ARHGAP10: variants seen among roughly 807,000 people sequenced by gnomAD.
The protein encoded by ARHGAP10 is rho GTPase-activating protein 10.
In ARHGAP10, 87 loss-of-function variants were observed where a neutral mutation model predicts 108.6. The ratio of observed to expected loss-of-function variants is 0.80; its 90% CI spans 0.67 to 0.96. The LOEUF is 0.96. ARHGAP10 is among the 40% of genes least tolerant of loss of function. ARHGAP10 has a pLI of 0.00. For synonymous variants in ARHGAP10, 347 were observed against 341.1 expected, an observed-to-expected ratio of 1.02 and a Z score of -0.19; for missense variants, 939 against 954.5, an observed-to-expected ratio of 0.98 and a Z score of 0.21.
At chr4:147,900,819 T>TCAACAACAACAA (rs36114707) in intron 10 of ARHGAP10, among the ~76,000 whole-genome samples, 2 of 150,510 alleles carry the variant, frequency 1.3e-5, no homozygotes, top group Admixed American at 6.6e-5. Context: ...ATAAATAAAT[T>TCAACAACAACAA]CAACAACAAC....
chr4:147,964,887 C>A, intron 16 of ARHGAP10, 137 bp from the exon 17 acceptor site: 1 of 563,420 alleles, frequency 1.8e-6, no homozygotes, highest in Non-Finnish European at 2.8e-6. Context: ...AATATGTTTA[C>A]ATTCTCCATG....
At chr4:147,738,921 G>A (rs191772356) in intron 1 of ARHGAP10, among the ~76,000 whole-genome samples, 10 of 152,152 alleles carry the variant, frequency 6.6e-5, no homozygotes, top group Admixed American at 2.0e-4. Context: ...AGTGGCTCAC[G>A]TCTGTAATCC....
chr4:148,003,903 A>AGCCT (rs1553970221), intron 18 of ARHGAP10, among the ~76,000 whole-genome samples: 1 of 152,184 alleles, frequency 6.6e-6, no homozygotes, highest in Non-Finnish European at 1.5e-5. Context: ...TGTAAGCCTA[A>AGCCT]ATCAGCAAGT....
chr4:148,025,135 T>C (rs1458030919), intron 19 of ARHGAP10, among the ~76,000 whole-genome samples: 2 of 152,214 alleles, frequency 1.3e-5, no homozygotes, highest in Non-Finnish European at 2.9e-5. Context: ...TAGTGGTATT[T>C]AGCATATCTC....
At chr4:147,880,191 G>A (rs1735269360) in intron 9 of ARHGAP10, among the ~76,000 whole-genome samples, 1 of 152,156 alleles carries the variant, frequency 6.6e-6, no homozygotes, top group Admixed American at 6.5e-5. Flanking sequence ...TCCCACCAAT[G>A]TTGAACATAA....
chr4:147,953,287 A>G (rs1406650647), intron 15 of ARHGAP10, among the ~76,000 whole-genome samples: 1 of 152,044 alleles, frequency 6.6e-6, no homozygotes, highest in Non-Finnish European at 1.5e-5. Context: ...ACCTCACAGA[A>G]TGAGTTAGAA....
At chr4:147,994,139 A>G (rs1452543043) in intron 18 of ARHGAP10, among the ~76,000 whole-genome samples, 2 of 152,238 alleles carry the variant, frequency 1.3e-5, no homozygotes, top group African/African-American at 4.8e-5. Flanking sequence ...TGTCCCAAGA[A>G]AAACAAGGCT....
intron 18 of ARHGAP10, among the ~76,000 whole-genome samples, chr4:148,006,959 C>T (rs1014648368): frequency 3.3e-5 from 5 of 152,162 alleles, no homozygotes; most frequent in African/African-American, 4.8e-5. Context: ...CAGCACTCAG[C>T]AGTACTATAC....
chr4:147,759,914 A>G (rs1361398290), intron 1 of ARHGAP10, among the ~76,000 whole-genome samples: 1 of 151,862 alleles, frequency 6.6e-6, no homozygotes, highest in African/African-American at 2.4e-5. Flanking sequence ...ATGCCTGGCT[A>G]ATTTTTGTAT....
chr4:147,799,175 C>T (rs943269375), intron 1 of ARHGAP10, among the ~76,000 whole-genome samples: 1 of 152,030 alleles, frequency 6.6e-6, no homozygotes, highest in Non-Finnish European at 1.5e-5. Flanking sequence ...GCTGGGACTA[C>T]AGGCATGCAT....
intron 13 of ARHGAP10, among the ~76,000 whole-genome samples, chr4:147,923,738 C>T (rs1362069448): frequency 6.6e-6 from 1 of 152,142 alleles, no homozygotes; most frequent in Non-Finnish European, 1.5e-5. Context: ...AACCTTACCG[C>T]TTGAAGATTG....
chr4:148,021,874 C>T (rs1042695469), intron 18 of ARHGAP10, among the ~76,000 whole-genome samples: 20 of 152,314 alleles, frequency 1.3e-4, no homozygotes, highest in Non-Finnish European at 1.5e-4. Flanking sequence ...ACATATTTGT[C>T]TACAGTAACT....
intron 13 of ARHGAP10, among the ~76,000 whole-genome samples, chr4:147,927,744 G>C (rs1737517765): frequency 6.6e-6 from 1 of 152,144 alleles, no homozygotes; most frequent in South Asian, 2.1e-4. Context: ...TTGGTGATAG[G>C]GGAGCTTGAT....
chr4:147,894,460 C>T (rs10025069), intron 10 of ARHGAP10, among the ~76,000 whole-genome samples: 16,519 of 152,014 alleles, frequency 0.11, 1,027 homozygotes, highest in East Asian at 0.27. Flanking sequence ...AATCATTTAC[C>T]GGATATAATA....
chr4:147,771,936 C>T (rs777376735), intron 1 of ARHGAP10, among the ~76,000 whole-genome samples: 2 of 152,164 alleles, frequency 1.3e-5, no homozygotes, highest in African/African-American at 4.8e-5. Context: ...GGACAACAGG[C>T]GTGCGCCACC....
intron 18 of ARHGAP10, among the ~76,000 whole-genome samples, chr4:148,022,827 C>T (rs1038240087): frequency 6.6e-6 from 1 of 152,148 alleles, no homozygotes; most frequent in African/African-American, 2.4e-5. Context: ...AAAGTATTTG[C>T]AGTCATATGT....
intron 10 of ARHGAP10, among the ~76,000 whole-genome samples, chr4:147,900,892 T>C (rs1736209658): frequency 6.6e-6 from 1 of 152,178 alleles, no homozygotes; most frequent in Non-Finnish European, 1.5e-5. Context: ...GGTCTCAAAC[T>C]CCTGGGTTCA....
At chr4:147,762,236 G>C (rs1421287241) in intron 1 of ARHGAP10, among the ~76,000 whole-genome samples, 4 of 152,042 alleles carry the variant, frequency 2.6e-5, no homozygotes, top group African/African-American at 9.7e-5. Context: ...TTGAACCCCT[G>C]GCCTCAAGCA....
rs1396937879 is a variant in ARHGAP10, at chr4:148,063,996, C to T, written c.2181-420C>T. 4.6e-5 allele frequency among the ~76,000 whole-genome samples: 7 copies of T among 152,350 alleles called. No individual in the cohort carries two copies. The South Asian group carries it at 6.2e-4, about 14-fold the overall frequency. On this transcript the variant is annotated intron_variant, in intron 21 of 22. Coordinates refer to ENST00000336498, the MANE Select transcript of ARHGAP10 (RefSeq NM_024605.4). Reference sequence around the variant, plus strand: ...GAGTGGATCTGGGCCAGTGGTTTCTCACCTGTGGAGTGTGGCTGTGCCGCC... The same window carrying T: ...GAGTGGATCTGGGCCAGTGGTTTCTTACCTGTGGAGTGTGGCTGTGCCGCC...
Sources: allele counts gnomAD v4.1 joint callset (sites outside exome capture counted in the v4.1 genomes callset), GRCh38; gene constraint gnomAD v4.1.1; transcripts MANE v1.5; gene names NCBI Gene and HGNC (gene_info 2026-07-23, HGNC 2026-07-21).